The following CD1B variants were observed in gnomAD, a reference collection of about 807,000 sequenced individuals.
CD1B encodes the protein CD1b molecule, also known as T-cell surface glycoprotein CD1b.
Under a neutral mutation model 39.8 loss-of-function variants are expected in CD1B, and 43 were observed. The observed-to-expected ratio is 1.08, with a 90% CI of 0.85 to 1.39. CD1B has a LOEUF of 1.39. Ranked by LOEUF, CD1B falls within the 40% of genes most tolerant of loss-of-function variation. CD1B has a pLI of 0.00. For missense variants in CD1B, 495 were observed against 403.8 expected (o/e 1.23, Z -1.94); for synonymous variants, 192 against 152.5 (o/e 1.26, Z -1.91).
At chr1:158,325,993 GGA>G (rs1652337866), downstream of CD1B, among the ~76,000 whole-genome samples, 1 of 151,916 alleles carries the variant, frequency 6.6e-6, no homozygotes, top group South Asian at 2.1e-4. Context: ...TTCTTGAGAC[GGA>G]GTCTTGCTCT....
chr1:158,315,366 G>A, the CD1B span, among the ~76,000 whole-genome samples: 1 of 151,708 alleles, frequency 6.6e-6, no homozygotes, highest in Non-Finnish European at 1.5e-5. Context: ...GTGTGAGATG[G>A]TATCTCATTG....
At chr1:158,309,926 A>G in the CD1B span, among the ~76,000 whole-genome samples, 1 of 152,094 alleles carries the variant, frequency 6.6e-6, no homozygotes, top group African/African-American at 2.4e-5. Context: ...GCACATGTAT[A>G]CATATGTAAC....
chr1:158,314,649 T>A, the CD1B span, among the ~76,000 whole-genome samples: 1,225 of 148,282 alleles, frequency 8.3e-3, 16 homozygotes, highest in African/African-American at 0.029. Context: ...TTTGTTTTTT[T>A]TATTTTTTTA....
At chr1:158,296,732 A>T in the CD1B span, among the ~76,000 whole-genome samples, 1 of 152,228 alleles carries the variant, frequency 6.6e-6, no homozygotes, top group Admixed American at 6.5e-5. Context: ...TGAAAGACAA[A>T]ATAGCCATTT....
the CD1B span, among the ~76,000 whole-genome samples, chr1:158,299,336 G>C: frequency 6.6e-6 from 1 of 152,114 alleles, no homozygotes; most frequent in East Asian, 1.9e-4. Context: ...TGCATATGTT[G>C]AACCAGCCTT....
the CD1B span, among the ~76,000 whole-genome samples, chr1:158,318,752 C>T: frequency 1.8e-4 from 27 of 152,066 alleles, no homozygotes; most frequent in African/African-American, 4.6e-4. Context: ...CAGTTTCTTC[C>T]TAGTCTTGAT....
chr1:158,291,002 G>T, the CD1B span: 1 of 966,250 alleles, frequency 1.0e-6, no homozygotes, highest in Non-Finnish European at 1.5e-6. Flanking sequence ...CTCTGTGTAA[G>T]GAAAATGGTA....
At chr1:158,318,929 G>T in the CD1B span, among the ~76,000 whole-genome samples, 1 of 152,092 alleles carries the variant, frequency 6.6e-6, no homozygotes, top group African/African-American at 2.4e-5. Flanking sequence ...ATGAAGCTTA[G>T]TTTGGCTGGA....
chr1:158,303,535 T>A, the CD1B span, among the ~76,000 whole-genome samples: 1 of 152,154 alleles, frequency 6.6e-6, no homozygotes, highest in Non-Finnish European at 1.5e-5. Context: ...ATAGTCTCTG[T>A]GCAAAGGGTT....
chr1:158,304,314 G>T, the CD1B span, among the ~76,000 whole-genome samples: 1 of 152,150 alleles, frequency 6.6e-6, no homozygotes, highest in South Asian at 2.1e-4. Context: ...GGCCTGGAGG[G>T]TCCTATGCCC....
the CD1B span, among the ~76,000 whole-genome samples, chr1:158,302,479 G>A: frequency 1.0e-3 from 158 of 151,710 alleles, no homozygotes; most frequent in South Asian, 0.015. Context: ...AAACTATATA[G>A]AAGATAAACA....
At chr1:158,323,438 A>G (rs1363926526), downstream of CD1B, among the ~76,000 whole-genome samples, 1 of 152,050 alleles carries the variant, frequency 6.6e-6, no homozygotes, top group African/African-American at 2.4e-5. Context: ...TTAACAAGCT[A>G]TTCTGAATTC....
Position 158,331,357 on chromosome 1 carries a change from T to G in CD1B, c.61+6A>C. The G allele has an allele frequency of 6.2e-7, 1 of 1,612,832 alleles. No homozygotes were observed. Among genetic ancestry groups the G allele is most frequent in the Non-Finnish European group, 8.5e-7 (1 of 1,178,868 alleles). On this transcript the variant is annotated splice_donor_region_variant and intron_variant, in intron 1 of 5. Transcript: ENST00000368168. ...CAGTGCTGGGAGCTGCCAGAGTGAC[T>G]CTTACCATGTTCACTGTTACCACCA...
the CD1B span, among the ~76,000 whole-genome samples, chr1:158,295,598 G>A: frequency 1.3e-5 from 2 of 152,124 alleles, no homozygotes; most frequent in Non-Finnish European, 2.9e-5. Flanking sequence ...GCTCCTCTAG[G>A]TGGCTTTGAC....
the CD1B span, among the ~76,000 whole-genome samples, chr1:158,315,149 T>C: frequency 3.3e-5 from 5 of 152,114 alleles, no homozygotes; most frequent in East Asian, 7.7e-4. Flanking sequence ...CAGCATGATT[T>C]ATAATCCTTT....
chr1:158,329,440 C>T lies in CD1B; in HGVS notation c.816G>A (p.Gly272=), dbSNP rs1177889871. ...CCCGACAGGACAGGCCAGCCGCCTC[C>T]CCATCTGCCACATCCAGGGTTGCTC... ...YLRATLDVAD[G]EAAGLSCRVK... is the part of the protein sequence containing the mutation. Residue 272 remains glycine, a synonymous_variant, in exon 4 of 6, where the codon GGG becomes GGA. Transcript: ENST00000368168. The T allele has an allele frequency of 1.9e-6, 3 of 1,614,208 alleles. No homozygotes were observed. Among genetic ancestry groups the T allele is most frequent in the East Asian group, 2.2e-5 (1 of 44,880 alleles).
At chr1:158,323,284 G>C (rs139504473), downstream of CD1B, among the ~76,000 whole-genome samples, 1 of 151,066 alleles carries the variant, frequency 6.6e-6, no homozygotes, top group South Asian at 2.1e-4. Context: ...GTTAATGCTC[G>C]TATTGCATTT....
chr1:158,324,956 C>A (rs928706352), downstream of CD1B, among the ~76,000 whole-genome samples: 3 of 152,024 alleles, frequency 2.0e-5, no homozygotes, highest in Admixed American at 2.0e-4. Flanking sequence ...ACAAGCATTT[C>A]AAATAAGCTG....
At chr1:158,297,301 G>A in the CD1B span, among the ~76,000 whole-genome samples, 1,874 of 152,262 alleles carry the variant, frequency 0.012, 38 homozygotes, top group African/African-American at 0.04. Flanking sequence ...CCTATATTCA[G>A]CATTGTTAAA....
Sources: gnomAD v4.1 joint callset for allele counts (sites outside exome capture counted in the v4.1 genomes callset) on GRCh38, gnomAD v4.1.1 for gene constraint, MANE v1.5 for transcripts, NCBI Gene and HGNC (gene_info 2026-07-23, HGNC 2026-07-21) for gene names.